Variants in MEIKIN observed in about 807,000 individuals in gnomAD.
The protein encoded by MEIKIN is meiosis-specific kinetochore protein.
At chr5:131,878,329 A>G (rs1209625425) in intron 9 of MEIKIN, among the ~76,000 whole-genome samples, 1 of 152,170 alleles carries the variant, frequency 6.6e-6, no homozygotes, top group African/African-American at 2.4e-5. Flanking sequence ...GCACTTTCGG[A>G]GGCCGAGGCG....
At chr5:131,844,986 G>T (rs1749986497) in intron 11 of MEIKIN, among the ~76,000 whole-genome samples, 1 of 152,154 alleles carries the variant, frequency 6.6e-6, no homozygotes, top group African/African-American at 2.4e-5. Flanking sequence ...AGATGCCAAA[G>T]TTGGCTGGGT....
intron 11 of MEIKIN, among the ~76,000 whole-genome samples, chr5:131,832,691 A>G (rs1276346133): frequency 6.6e-6 from 1 of 152,228 alleles, no homozygotes; most frequent in Non-Finnish European, 1.5e-5. Context: ...TTTAAATCTA[A>G]GAAGAGGTTC....
chr5:131,807,999 C>T (rs966039084), intron 12 of MEIKIN, among the ~76,000 whole-genome samples: 1 of 152,198 alleles, frequency 6.6e-6, no homozygotes, highest in African/African-American at 2.4e-5. Flanking sequence ...ACACCTGTAT[C>T]TTTGCTATTC....
In MEIKIN at chr5:131,935,075, G is replaced by GA. The variant is rs1048027688; in HGVS notation, c.350-1435dup. Among the ~76,000 whole-genome samples the GA allele has an allele frequency of 4.1e-3, 539 of 132,576 alleles. 4 individuals carry two copies. Among genetic ancestry groups the GA allele is most frequent in the African/African-American group, 0.012 (451 of 36,128 alleles). The allele number at this position is 132,576 out of a possible 152,430, so 87.0% of individuals were successfully genotyped here. ...ACTCCATCCAAAAAAAAAGAAAAAAGAAAAAAAAAAAGACAAGCTACAGAT... is the reference window on the plus strand; with the variant it reads ...ACTCCATCCAAAAAAAAAGAAAAAAGAAAAAAAAAAAAGACAAGCTACAGAT... On this transcript the variant is annotated intron_variant, in intron 4 of 12. Transcript: ENST00000442687.
At chr5:131,846,178 T>A (rs1750017260) in intron 11 of MEIKIN, among the ~76,000 whole-genome samples, 1 of 152,182 alleles carries the variant, frequency 6.6e-6, no homozygotes, top group African/African-American at 2.4e-5. Context: ...CCAGTAAAAC[T>A]GTCCTTCAAA....
chr5:131,848,192 C>A (rs1750050513), intron 11 of MEIKIN, among the ~76,000 whole-genome samples: 7 of 151,854 alleles, frequency 4.6e-5, no homozygotes, highest in Admixed American at 4.6e-4. Context: ...CAGACAGAAA[C>A]AAAATAGAGA....
intron 8 of MEIKIN, among the ~76,000 whole-genome samples, chr5:131,897,949 C>T (rs1331497181): frequency 2.0e-5 from 3 of 152,152 alleles, no homozygotes; most frequent in African/African-American, 7.2e-5. Flanking sequence ...CTGTTGCTGG[C>T]GAGGAGATGC....
At chr5:131,836,375 T>C (rs1749807592) in intron 11 of MEIKIN, among the ~76,000 whole-genome samples, 1 of 152,212 alleles carries the variant, frequency 6.6e-6, no homozygotes, top group African/African-American at 2.4e-5. Context: ...CATGTGTCTT[T>C]ATGGTAGAAC....
intron 11 of MEIKIN, among the ~76,000 whole-genome samples, chr5:131,825,581 A>G (rs555191622): frequency 1.3e-5 from 2 of 152,290 alleles, no homozygotes; most frequent in South Asian, 2.1e-4. Context: ...TTCCTTCATG[A>G]CAGACCTCAG....
intron 11 of MEIKIN, among the ~76,000 whole-genome samples, chr5:131,849,450 TTATA>T (rs1207376777): frequency 3.3e-5 from 1 of 30,658 alleles, no homozygotes; most frequent in African/African-American, 1.3e-4. Context: ...CCTCTTTTCT[TTATA>T]TATATAAAGA....
chr5:131,862,492 G>A (rs1750303601), intron 9 of MEIKIN, among the ~76,000 whole-genome samples: 1 of 151,648 alleles, frequency 6.6e-6, no homozygotes, highest in South Asian at 2.1e-4. Flanking sequence ...GGTTTTGTTT[G>A]TTCTTGCTTC....
intron 8 of MEIKIN, among the ~76,000 whole-genome samples, chr5:131,886,346 A>T (rs1296075588): frequency 6.6e-6 from 1 of 152,188 alleles, no homozygotes; most frequent in African/African-American, 2.4e-5. Flanking sequence ...TAACCCAAAG[A>T]CTACTTTAAG....
chr5:131,833,981 G>A (rs936834219), intron 11 of MEIKIN, among the ~76,000 whole-genome samples: 2 of 152,090 alleles, frequency 1.3e-5, no homozygotes, highest in African/African-American at 4.8e-5. Flanking sequence ...TGAAAACCTT[G>A]TCTTCAGACA....
intron 11 of MEIKIN, among the ~76,000 whole-genome samples, chr5:131,842,082 C>G (rs1302445908): frequency 1.3e-5 from 2 of 152,058 alleles, no homozygotes; most frequent in African/African-American, 2.4e-5. Flanking sequence ...TCACTGCAAC[C>G]TCCACCTCAC....
At chr5:131,944,505 A>G in intron 3 of MEIKIN, 160 bp downstream of exon 3, 1 of 392,978 alleles carries the variant, frequency 2.5e-6, no homozygotes, top group East Asian at 3.6e-5. Context: ...TCAGAAATTC[A>G]AGGCCCTGTC....
At chr5:131,818,536 T>C (rs1040387678) in intron 12 of MEIKIN, among the ~76,000 whole-genome samples, 2 of 152,184 alleles carry the variant, frequency 1.3e-5, no homozygotes, top group African/African-American at 4.8e-5. Context: ...TCCTCCTGCC[T>C]GAGCTATCCA....
chr5:131,938,519 G>T lies in MEIKIN; in HGVS notation c.349+4116C>A, dbSNP rs915264315. On this transcript the variant is annotated intron_variant, in intron 4 of 12. Transcript: ENST00000442687. ...TCAGTGGTTTTTTTGTAGACTTATG[G>T]AGTTGTGTCACCACTGATGCTATTT... 1.3e-4 allele frequency among the ~76,000 whole-genome samples: 20 copies of T among 152,054 alleles called. 1 individual carries two copies. The highest frequency in any genetic ancestry group is 5.9e-5 in the Non-Finnish European group (4 of 68,014).
intron 5 of MEIKIN, among the ~76,000 whole-genome samples, chr5:131,923,656 ATTC>A (rs995682054): frequency 6.6e-6 from 1 of 151,282 alleles, no homozygotes; most frequent in African/African-American, 2.4e-5. Flanking sequence ...ATAGCATCCT[ATTC>A]TTATTTAACG....
At chr5:131,884,485 C>T (rs1406202857) in intron 8 of MEIKIN, among the ~76,000 whole-genome samples, 1 of 151,880 alleles carries the variant, frequency 6.6e-6, no homozygotes. Flanking sequence ...TGGCAGGTTT[C>T]ATCACCTGCT....
Sources: allele counts gnomAD v4.1 joint callset (sites outside exome capture counted in the v4.1 genomes callset), GRCh38; gene constraint gnomAD v4.1.1; transcripts MANE v1.5; gene names NCBI Gene and HGNC (gene_info 2026-07-23, HGNC 2026-07-21).